Variants in CLCNKA observed in about 807,000 individuals in gnomAD.
The protein encoded by CLCNKA is chloride voltage-gated channel Ka, also known as chloride channel protein ClC-Ka.
In CLCNKA, 66 loss-of-function variants were observed where a neutral mutation model predicts 83.3. The ratio of observed to expected loss-of-function variants is 0.79; its 90% CI spans 0.65 to 0.97. The LOEUF is 0.97. Among genes scored for constraint, CLCNKA ranks in the 50% least tolerant of loss-of-function variants. The pLI, the probability that CLCNKA is intolerant of heterozygous loss-of-function variation, is 0.00. For missense variants in CLCNKA, 806 were observed against 888.7 expected (o/e 0.91, Z 1.18); for synonymous variants, 357 against 370.4 (o/e 0.96, Z 0.42).
intron 15 of CLCNKA, among the ~76,000 whole-genome samples, 167 bp downstream of exon 15, chr1:16,030,841 C>G (rs750015200): frequency 1.2e-4 from 19 of 152,350 alleles, no homozygotes; most frequent in Non-Finnish European, 2.1e-4. Flanking sequence ...CCCCAGTGCC[C>G]TGGGTGACCT....
At chr1:16,025,142 C>T (rs2022297972) in intron 4 of CLCNKA, among the ~76,000 whole-genome samples, 1 of 152,228 alleles carries the variant, frequency 6.6e-6, no homozygotes, top group Non-Finnish European at 1.5e-5. Flanking sequence ...GGAAGGGGCC[C>T]ATGGAGGAGG....
At position 16,027,535 on chromosome 1, in the gene CLCNKA, C is replaced by T. The variant is rs1331852688; in HGVS notation, c.781+100C>T. On this transcript the variant is annotated intron_variant, in intron 8 of 19. Coordinates refer to ENST00000331433, the MANE Select transcript of CLCNKA (RefSeq NM_004070.4). ...TACATCTCTTGCTCTTCCCTTCCCT[C>T]TCTCTCCCTCTTTTCCCTCCTCCGT... 15 of 1,555,730 alleles carry T rather than the reference C, an allele frequency of 9.6e-6. No individual in the cohort carries two copies. The African/African-American group carries it at 1.9e-4, about 20-fold the overall frequency.
At chr1:16,026,940 G>A (rs1215303425) in intron 7 of CLCNKA, 165 bp downstream of exon 7, 2 of 923,414 alleles carry the variant, frequency 2.2e-6, no homozygotes, top group African/African-American at 1.6e-5. Flanking sequence ...CGGCGGGGCG[G>A]GGCGGGTGGT....
Position 16,028,008 on chromosome 1 carries a change from C to T in CLCNKA, c.867-10C>T. ...GTCAGGCTCTGGTCTTACCTCCCTT[C>T]ACCCCGCAGTGGCATCTGCGGCGTC... On this transcript the variant is annotated splice_polypyrimidine_tract_variant and intron_variant, in intron 9 of 19. Transcript: ENST00000331433. The T allele has an allele frequency of 6.2e-7, 1 of 1,613,916 alleles. No homozygotes were observed. The highest frequency in any genetic ancestry group is 8.5e-7 in the Non-Finnish European group (1 of 1,179,934).
chr1:16,022,932 A>G (rs375889452), intron 2 of CLCNKA, among the ~76,000 whole-genome samples: 21 of 152,352 alleles, frequency 1.4e-4, no homozygotes, highest in South Asian at 1.2e-3. Context: ...TCTGCCTTTC[A>G]GGAGATACAG....
intron 1 of CLCNKA, among the ~76,000 whole-genome samples, 171 bp downstream of exon 1, chr1:16,022,234 G>A (rs1889785): frequency 0.49 from 74,587 of 151,828 alleles, 18,904 homozygotes; most frequent in East Asian, 0.78. Context: ...AAAGGAGGGT[G>A]CTCCGAGATT....
In CLCNKA at chr1:16,032,284, G is replaced by A; in HGVS notation, c.1838G>A (p.Gly613Glu). Residue 613 changes from glycine (G) to glutamate (E), a missense_variant, in exon 17 of 20, where the codon GGA (glycine) becomes GAA (glutamate). Coordinates refer to ENST00000331433, the MANE Select transcript of CLCNKA (RefSeq NM_004070.4). Reference sequence around the variant, plus strand: ...GCTGAGCCTCCTTCCAGGGCTCCAGGACACCAGGTGGTTACTCCTGAGGGG... The same window carrying A: ...GCTGAGCCTCCTTCCAGGGCTCCAGAACACCAGGTGGTTACTCCTGAGGGG... Reference protein sequence around the residue: ...LQAEPPSRAPGHQQCLQDILA... With the variant: ...LQAEPPSRAPEHQQCLQDILA... 1.8e-6 allele frequency: 2 copies of A among 1,128,764 alleles called. No homozygotes were observed. Among genetic ancestry groups the A allele is most frequent in the South Asian group, 2.4e-5 (2 of 82,680 alleles). The allele number at this position is 1,128,764 out of a possible 1,614,324, so 69.9% of individuals were successfully genotyped here. A position where few individuals can be genotyped will look rare whatever the true frequency, so the allele number is the denominator to read the frequency against.
chr1:16,027,901 C>G lies in CLCNKA; in HGVS notation c.862C>G (p.Leu288Val), dbSNP rs1456472778. ...DLPEIFFFVA[L>V]GGICGVLSCA... ...GCCTGAGATCTTCTTTTTTGTGGCG[C>G]TGGGGTGAGTGGGTGCCTTGGGCCC... The change falls in exon 9 of 20, where the codon CTG becomes GTG. Residue 288 changes from leucine (L) to valine (V), a missense_variant. Leu to Val is a conservative substitution (Grantham distance 32). Coordinates refer to ENST00000331433, the MANE Select transcript of CLCNKA (RefSeq NM_004070.4). The G allele has an allele frequency of 6.2e-7, 1 of 1,613,716 alleles. No individual in the cohort carries two copies. Among genetic ancestry groups the G allele is most frequent in the Non-Finnish European group, 8.5e-7 (1 of 1,179,864 alleles).
chr1:16,024,925 C>T, intron 4 of CLCNKA, 34 bp downstream of exon 4: 1 of 1,613,358 alleles, frequency 6.2e-7, no homozygotes, highest in Non-Finnish European at 8.5e-7. Flanking sequence ...GTCCCCAGTG[C>T]CAAAACCTTC....
intron 14 of CLCNKA, 132 bp from the exon 15 acceptor site, chr1:16,030,329 C>T (rs2022572718): frequency 1.7e-6 from 2 of 1,174,090 alleles, no homozygotes; most frequent in Non-Finnish European, 2.4e-6. Flanking sequence ...GGGCACTTCC[C>T]ACAGTGCCCA....
chr1:16,030,389 T>A, intron 14 of CLCNKA, 72 bp from the exon 15 acceptor site: 3 of 1,571,336 alleles, frequency 1.9e-6, no homozygotes, highest in Non-Finnish European at 2.6e-6. Flanking sequence ...GCAGCCAGGC[T>A]AGTTATTCCC....
In CLCNKA at chr1:16,026,168, A is replaced by C. The variant is rs773130750; in HGVS notation, c.419A>C (p.Asp140Ala). Residue 140 changes from aspartate to alanine, a missense_variant, in exon 5 of 20, where the codon GAT (aspartate) becomes GCT (alanine). Asp to Ala is a moderately radical substitution (Grantham distance 126, BLOSUM62 -2). Coordinates refer to ENST00000331433, the MANE Select transcript of CLCNKA (RefSeq NM_004070.4). ...GGTGTGATCTTGGAGGACTACCTGG[A>C]TATCAAGAACTTTGGGGCCAAGGTG... ...LAGVILEDYL[D>A]IKNFGAKVVG... 15 of 1,613,562 alleles carry C rather than the reference A, an allele frequency of 9.3e-6. No homozygotes were observed. Among genetic ancestry groups the C allele is most frequent in the Admixed American group, 3.3e-5 (2 of 59,988 alleles).
chr1:16,031,759 C>G lies in CLCNKA; in HGVS notation c.1672C>G (p.Leu558Val). 6.2e-7 allele frequency: 1 copy of G among 1,613,984 alleles called. No individual in the cohort carries two copies. The highest frequency in any genetic ancestry group is 8.5e-7 in the Non-Finnish European group (1 of 1,180,042). The change falls in exon 16 of 20, where the codon CTG becomes GTG. Residue 558 changes from leucine (L) to valine (V), a missense_variant. Coordinates refer to ENST00000331433, the MANE Select transcript of CLCNKA (RefSeq NM_004070.4). Reference protein sequence around the residue: ...EHFMNHSITTLAKDTPLEEVV... With the variant: ...EHFMNHSITTVAKDTPLEEVV... ...CTTCATGAACCACAGCATCACCACA[C>G]TGGCCAAGGACACGCCGCTGGAGGA... is the stretch of plus-strand genomic sequence containing the variant.
chr1:16,032,379 G>A (rs2022660083), intron 17 of CLCNKA, 64 bp from the exon 18 acceptor site: 1 of 1,551,698 alleles, frequency 6.4e-7, no homozygotes, highest in African/African-American at 1.4e-5. Flanking sequence ...CTGAGGGAGA[G>A]GTGGTCTGAG....
At position 16,029,952 on chromosome 1, in the gene CLCNKA, A is replaced by T. The variant is rs2022549835; in HGVS notation, c.1298-13A>T. Reference sequence around the variant, plus strand: ...GTCAGCCTGGCTCCCCCTCACCCTAAGTCTGTGGCCAGGAGCTGCCATCGG... The same window carrying T: ...GTCAGCCTGGCTCCCCCTCACCCTATGTCTGTGGCCAGGAGCTGCCATCGG... On this transcript the variant is annotated splice_polypyrimidine_tract_variant and intron_variant, in intron 13 of 19. Coordinates refer to ENST00000331433, the MANE Select transcript of CLCNKA (RefSeq NM_004070.4). 1 of 1,607,484 alleles carries T rather than the reference A, an allele frequency of 6.2e-7. No homozygotes were observed. Among genetic ancestry groups the T allele is most frequent in the Non-Finnish European group, 8.5e-7 (1 of 1,174,290 alleles).
chr1:16,026,138 T>G lies in CLCNKA; in HGVS notation c.389T>G (p.Leu130Trp). Reference protein sequence around the residue: ...GSGIPELKTMLAGVILEDYLD... With the variant: ...GSGIPELKTMWAGVILEDYLD... ...GGAATCCCGGAGCTGAAGACCATGT[T>G]GGCGGGTGTGATCTTGGAGGACTAC... Residue 130 changes from leucine to tryptophan, a missense_variant, in exon 5 of 20, where the codon TTG (leucine) becomes TGG (tryptophan). Physicochemically the swap from Leu to Trp is moderately conservative, Grantham distance 61. Coordinates refer to ENST00000331433, the MANE Select transcript of CLCNKA (RefSeq NM_004070.4). The G allele has an allele frequency of 6.8e-6, 11 of 1,613,082 alleles. No homozygotes were observed. Among genetic ancestry groups the G allele is most frequent in the Non-Finnish European group, 9.3e-6 (11 of 1,180,018 alleles).
At chr1:16,023,710 T>G in intron 2 of CLCNKA, 90 bp from the exon 3 acceptor site, 1 of 1,531,310 alleles carries the variant, frequency 6.5e-7, no homozygotes, top group Admixed American at 1.7e-5. Flanking sequence ...ACCAGGGTCC[T>G]CCCTGCCTGG....
chr1:16,024,700 C>T, intron 3 of CLCNKA, 63 bp from the exon 4 acceptor site: 2 of 1,607,152 alleles, frequency 1.2e-6, no homozygotes. Context: ...GTGGGCACCA[C>T]AGTGTCTGGC....
At chr1:16,029,353 A>T in intron 12 of CLCNKA, 54 bp downstream of exon 12, 3 of 1,612,162 alleles carry the variant, frequency 1.9e-6, no homozygotes, top group Non-Finnish European at 2.5e-6. Context: ...TCTGGTGGGG[A>T]GGGGCGGGGG....
Sources: allele counts gnomAD v4.1 joint callset (sites outside exome capture counted in the v4.1 genomes callset), GRCh38; gene constraint gnomAD v4.1.1; transcripts MANE v1.5; gene names NCBI Gene and HGNC (gene_info 2026-07-23, HGNC 2026-07-21).